The following TRAPPC12 variants were observed in gnomAD, a reference collection of about 807,000 sequenced individuals.
TRAPPC12 encodes the protein TPR repeat protein 15.
A neutral mutation model predicts 69.2 loss-of-function variants in TRAPPC12; 61 were observed. That is an observed-to-expected ratio of 0.88 (90% CI 0.72 to 1.09). The LOEUF is 1.09. Ranked by LOEUF, TRAPPC12 falls within the 50% of genes least tolerant of loss-of-function variation. The pLI, the probability that TRAPPC12 is intolerant of heterozygous loss-of-function variation, is 0.00. For synonymous variants in TRAPPC12, 469 were observed against 438.9 expected (o/e 1.07, Z -0.86); for missense variants, 1,101 against 1,016.4 (o/e 1.08, Z -1.13).
At chr2:3,438,670 T>G (rs1378412788) in intron 5 of TRAPPC12, among the ~76,000 whole-genome samples, 1 of 151,876 alleles carries the variant, frequency 6.6e-6, no homozygotes, top group Non-Finnish European at 1.5e-5. Context: ...TCCAAAGGTC[T>G]TATAGTTGGA....
At chr2:3,403,230 A>ATTTTTTTTTTTTTTTTTTTTTTTTT (rs35354979) in intron 3 of TRAPPC12, among the ~76,000 whole-genome samples, 1 of 119,390 alleles carries the variant, frequency 8.4e-6, no homozygotes. Flanking sequence ...GATTTCACCA[A>ATTTTTTTTTTTTTTTTTTTTTTTTT]TTTTTTTTTT....
intron 9 of TRAPPC12, among the ~76,000 whole-genome samples, chr2:3,469,317 C>T (rs1294801778): frequency 6.6e-6 from 1 of 152,232 alleles, no homozygotes; most frequent in Non-Finnish European, 1.5e-5. Context: ...CTGTCAGCAC[C>T]TGTGTGCTGT....
intron 1 of TRAPPC12, among the ~76,000 whole-genome samples, chr2:3,383,871 GTTTTTTTTTTTTTTTTTTTTTT>G (rs34956958): frequency 0.066 from 5,649 of 85,602 alleles, 238 homozygotes; most frequent in Non-Finnish European, 0.078. Context: ...GTTCAGTCTT[GTTTTTTTTTTTTTTTTTTTTTT>G]TTTTTTTTTT....
rs564734427 is a variant in TRAPPC12, at chr2:3,407,767, G to A, written c.1164+5874G>A. The stretch of plus-strand genomic sequence containing the variant: ...GCCAAGATCACGCCACTGCACTCCA[G>A]CCTGGGCGACAGAGCAAGACTCCGT... On this transcript the variant is annotated intron_variant, in intron 3 of 11. Coordinates refer to ENST00000324266, the MANE Select transcript of TRAPPC12 (RefSeq NM_016030.6). Among the ~76,000 whole-genome samples the A allele has an allele frequency of 2.6e-5, 4 of 152,048 alleles. 1 individual carries two copies. The highest frequency in any genetic ancestry group is 7.2e-5 in the African/African-American group (3 of 41,450).
rs111288550 is a variant in TRAPPC12 at position 3,417,129 on chromosome 2, AC to A, written c.1165-4751del. Among the ~76,000 whole-genome samples the A allele has an allele frequency of 6.1e-4, 93 of 152,196 alleles. 2 individuals are homozygous for A. Among genetic ancestry groups the A allele is most frequent in the African/African-American group, 2.1e-3 (87 of 41,510 alleles). On this transcript the variant is annotated intron_variant, in intron 3 of 11. Coordinates refer to ENST00000324266, the MANE Select transcript of TRAPPC12 (RefSeq NM_016030.6). ...AGGTTTACCAGGCACTTTTCACGTG[AC>A]TGTTCCACCATCTTGTCATTTTTTA...
intron 4 of TRAPPC12, among the ~76,000 whole-genome samples, chr2:3,424,016 A>G (rs1340724598): frequency 6.6e-6 from 1 of 151,934 alleles, no homozygotes; most frequent in East Asian, 1.9e-4. Flanking sequence ...GCCCTCAAAC[A>G]CAACCCATCC....
intron 2 of TRAPPC12, among the ~76,000 whole-genome samples, chr2:3,394,451 T>A (rs1022462599): frequency 6.6e-6 from 1 of 152,096 alleles, no homozygotes; most frequent in East Asian, 1.9e-4. Flanking sequence ...TGAAACCCCA[T>A]CTCTACTAAA....
chr2:3,380,619 GGC>G (rs1660162791), intron 1 of TRAPPC12, among the ~76,000 whole-genome samples: 1 of 152,208 alleles, frequency 6.6e-6, no homozygotes, highest in Non-Finnish European at 1.5e-5. Context: ...AGAAGATAGT[GGC>G]GGATAATGAG....
chr2:3,410,798 G>A (rs1289939992), intron 3 of TRAPPC12, among the ~76,000 whole-genome samples: 4 of 152,194 alleles, frequency 2.6e-5, no homozygotes, highest in African/African-American at 7.2e-5. Flanking sequence ...TTGGGAGGAC[G>A]AGGCAGGCAG....
intron 9 of TRAPPC12, among the ~76,000 whole-genome samples, chr2:3,474,658 T>C (rs1310243945): frequency 6.6e-6 from 1 of 152,238 alleles, no homozygotes; most frequent in Non-Finnish European, 1.5e-5. Context: ...TGTTAGTATC[T>C]GGTTTGCGTG....
chr2:3,462,511 TA>T (rs1192651564), intron 8 of TRAPPC12, among the ~76,000 whole-genome samples: 2 of 152,262 alleles, frequency 1.3e-5, no homozygotes, highest in African/African-American at 4.8e-5. Context: ...GTATATGGGC[TA>T]ACAATGAGTT....
At chr2:3,443,730 C>A in intron 5 of TRAPPC12, 49 bp from the exon 6 acceptor site, 1 of 1,449,246 alleles carries the variant, frequency 6.9e-7, no homozygotes, top group Non-Finnish European at 9.7e-7. Context: ...AGTATGAATG[C>A]GTGCTCAGTT....
intron 2 of TRAPPC12, 103 bp downstream of exon 2, chr2:3,388,773 C>T (rs868288077): frequency 2.5e-6 from 3 of 1,180,960 alleles, no homozygotes; most frequent in African/African-American, 3.1e-5. Flanking sequence ...GCCTTGTTTT[C>T]AGTAATTCCT....
In TRAPPC12 at chr2:3,443,863, T is replaced by A. The variant is rs1664358505; in HGVS notation, c.1502T>A (p.Leu501Gln). ...AACCCACAGGAGTCGCTGGATAGAC[T>A]GCACAAGGTGAAGACTGTCTGCAGC... is the stretch of plus-strand genomic sequence containing the variant. ...LGNPQESLDR[L>Q]HKVKTVCSKI... The change falls in exon 6 of 12, where the codon CTG becomes CAG. Residue 501 changes from leucine to glutamine, a missense_variant. Coordinates refer to ENST00000324266, the MANE Select transcript of TRAPPC12 (RefSeq NM_016030.6). The A allele has an allele frequency of 1.9e-6, 3 of 1,613,938 alleles. No homozygotes were observed. The African/African-American group carries it at 4.0e-5, about 22-fold the overall frequency.
chr2:3,403,901 TG>T (rs2103474939), intron 3 of TRAPPC12, among the ~76,000 whole-genome samples: 1 of 152,364 alleles, frequency 6.6e-6, no homozygotes, highest in East Asian at 1.9e-4. Flanking sequence ...TTTGTGAGGC[TG>T]AAATCCTGAG....
At chr2:3,466,459 A>G (rs750841990) in intron 9 of TRAPPC12, 2 of 458,994 alleles carry the variant, frequency 4.4e-6, no homozygotes, top group Non-Finnish European at 4.6e-6. Context: ...CAGATCAGCA[A>G]ACTGAGGTCT....
At chr2:3,391,960 C>G (rs1175200408) in intron 2 of TRAPPC12, among the ~76,000 whole-genome samples, 1 of 152,150 alleles carries the variant, frequency 6.6e-6, no homozygotes, top group Non-Finnish European at 1.5e-5. Flanking sequence ...GACTGTAACT[C>G]AGAGGAAATC....
chr2:3,463,796 C>A (rs1665644403), intron 8 of TRAPPC12, among the ~76,000 whole-genome samples: 1 of 152,022 alleles, frequency 6.6e-6, no homozygotes, highest in Non-Finnish European at 1.5e-5. Flanking sequence ...AAGTCAAAGC[C>A]TGCCTTTTGT....
chr2:3,477,210 G>C (rs938895895), intron 9 of TRAPPC12, among the ~76,000 whole-genome samples: 1 of 152,148 alleles, frequency 6.6e-6, no homozygotes, highest in South Asian at 2.1e-4. Context: ...GTTTGAGTTT[G>C]GTTTGGCTTG....
Sources: gnomAD v4.1 joint callset for allele counts (sites outside exome capture counted in the v4.1 genomes callset) on GRCh38, gnomAD v4.1.1 for gene constraint, MANE v1.5 for transcripts, NCBI Gene and HGNC (gene_info 2026-07-23, HGNC 2026-07-21) for gene names.